The following RASA2 variants were observed in gnomAD, a reference collection of about 807,000 sequenced individuals.
RASA2 encodes the protein RAS p21 protein activator 2.
RASA2 carries 155 observed loss-of-function variants against 118.2 expected under a neutral mutation model. That is an observed-to-expected ratio of 1.31 (90% CI 1.15 to 1.50). The LOEUF (loss-of-function observed/expected upper bound fraction) is 1.50, where lower values mean the gene tolerates loss of function less well. Among genes scored for constraint, RASA2 ranks in the 40% most tolerant of loss-of-function variants. RASA2 has a pLI of 0.00. For synonymous variants in RASA2, 353 were observed against 349.1 expected (o/e 1.01, Z -0.12); for missense variants, 1,016 against 1,009.6 (o/e 1.01, Z -0.09).
chr3:141,531,844 T>A (rs1214355790), intron 4 of RASA2, among the ~76,000 whole-genome samples: 1 of 152,036 alleles, frequency 6.6e-6, no homozygotes, highest in Non-Finnish European at 1.5e-5. Flanking sequence ...GTTGTCCCAC[T>A]GCTGATAAGG....
rs2083688011 is a variant in RASA2 at position 141,613,811 on chromosome 3, T to C, written c.*1498T>C. The C allele has an allele frequency of 6.6e-6, 1 of 152,230 alleles. No individual in the cohort carries two copies. The highest frequency in any genetic ancestry group is 2.1e-4 in the South Asian group (1 of 4,836). 9.4% of individuals were successfully genotyped at this position (152,230 alleles called of 1,614,324 possible). ...CAATCAAAGTTGTTCCATAAAAGAATATAACTGAGCAATGTATTTCTCTAA... is the reference window on the plus strand; with the variant it reads ...CAATCAAAGTTGTTCCATAAAAGAACATAACTGAGCAATGTATTTCTCTAA... On this transcript the variant is annotated 3_prime_UTR_variant, in exon 24 of 24. Coordinates refer to ENST00000286364, the MANE Select transcript of RASA2 (RefSeq NM_006506.5).
chr3:141,578,244 T>C (rs1031522479), intron 15 of RASA2, among the ~76,000 whole-genome samples: 9 of 152,240 alleles, frequency 5.9e-5, no homozygotes, highest in African/African-American at 1.9e-4. Flanking sequence ...ATACTCGATT[T>C]GAATTGGATT....
At chr3:141,501,045 A>G (rs1238379551) in intron 1 of RASA2, among the ~76,000 whole-genome samples, 2 of 152,142 alleles carry the variant, frequency 1.3e-5, no homozygotes, top group Non-Finnish European at 2.9e-5. Context: ...ATTTTGCCAG[A>G]TTTTGATTAT....
rs374547946 is a variant in RASA2 at position 141,598,164 on chromosome 3, CAG to C, written c.1934-9511_1934-9510del. ...CTTACCCACAAAGTCTTTTAGAAAA[CAG>C]AGGGAAAGAATACTTGCCAAGTCAT... is the stretch of plus-strand genomic sequence containing the variant. On this transcript the variant is annotated intron_variant, in intron 19 of 23. Coordinates refer to ENST00000286364, the MANE Select transcript of RASA2 (RefSeq NM_006506.5). Among the ~76,000 whole-genome samples the C allele has an allele frequency of 3.2e-3, 483 of 152,172 alleles. 6 individuals are homozygous for C. The highest frequency in any genetic ancestry group is 0.011 in the African/African-American group (460 of 41,534).
At position 141,540,480 on chromosome 3, in the gene RASA2, A is replaced by G. The variant is rs1012887685; in HGVS notation, c.451-53A>G. ...TGATTTGAAAAGGCACATACCTTTA[A>G]TATTTTGTCAGTAAAATAGACTACT... is the stretch of plus-strand genomic sequence containing the variant. On this transcript the variant is annotated intron_variant, in intron 4 of 23. Coordinates refer to ENST00000286364, the MANE Select transcript of RASA2 (RefSeq NM_006506.5). 1.3e-5 allele frequency: 18 copies of G among 1,439,556 alleles called. No individual in the cohort carries two copies. In the African/African-American group the frequency reaches 2.2e-4, roughly 18 times the overall value. 89.2% of individuals were successfully genotyped at this position (1,439,556 alleles called of 1,614,324 possible).
Position 141,547,838 on chromosome 3 carries a change from A to G in RASA2, c.528-6019A>G, listed in dbSNP as rs184060061. 7.2e-5 allele frequency among the ~76,000 whole-genome samples: 11 copies of G among 152,218 alleles called. No homozygotes were observed. The East Asian group carries it at 1.7e-3, about 24-fold the overall frequency. On this transcript the variant is annotated intron_variant, in intron 5 of 23. Transcript: ENST00000286364. ...TATGGATATGTACTATATGGCTTTT[A>G]TTGTGTTGAGGTTTGATCCTTCTGT...
rs111312229 is a variant in RASA2 at position 141,523,087 on chromosome 3, T to G, written c.356-6621T>G. On this transcript the variant is annotated intron_variant, in intron 3 of 23. Transcript: ENST00000286364. ...CTCTCTGCTTCTTATGTATGGATATTTTTATTTTTGTAAAAAAATTTTAAA... is the reference window on the plus strand; with the variant it reads ...CTCTCTGCTTCTTATGTATGGATATGTTTATTTTTGTAAAAAAATTTTAAA... Among the ~76,000 whole-genome samples, 483 of 152,264 alleles carry G rather than the reference T, an allele frequency of 3.2e-3. 4 individuals are homozygous for G. Among genetic ancestry groups the G allele is most frequent in the African/African-American group, 0.01 (423 of 41,554 alleles).
chr3:141,569,210 G>A (rs1244775296), intron 9 of RASA2, among the ~76,000 whole-genome samples: 1 of 151,998 alleles, frequency 6.6e-6, no homozygotes, highest in Non-Finnish European at 1.5e-5. Context: ...TAGATATTTT[G>A]CTCTAATGGA....
At chr3:141,559,411 A>ATT (rs2082697214) in intron 8 of RASA2, among the ~76,000 whole-genome samples, 1 of 152,096 alleles carries the variant, frequency 6.6e-6, no homozygotes, top group Non-Finnish European at 1.5e-5. Flanking sequence ...TGGGTCTTAA[A>ATT]TATCTATGCC....
intron 1 of RASA2, among the ~76,000 whole-genome samples, chr3:141,501,255 T>C (rs557402793): frequency 6.6e-6 from 1 of 152,318 alleles, no homozygotes; most frequent in Non-Finnish European, 1.5e-5. Context: ...TAGAAATCCA[T>C]TGATTCTGTA....
At chr3:141,582,218 G>T (rs1413576564) in intron 17 of RASA2, among the ~76,000 whole-genome samples, 2 of 152,264 alleles carry the variant, frequency 1.3e-5, no homozygotes, top group East Asian at 3.9e-4. Flanking sequence ...TTCTTACAGA[G>T]ACTTAGTAAG....
chr3:141,533,922 A>C (rs2082292796), intron 4 of RASA2, among the ~76,000 whole-genome samples: 1 of 152,188 alleles, frequency 6.6e-6, no homozygotes, highest in Admixed American at 6.5e-5. Context: ...GACATTTTTC[A>C]GTCCTCATCT....
chr3:141,571,586 C>T (rs929086817), intron 11 of RASA2, 32 bp downstream of exon 11: 1 of 1,565,458 alleles, frequency 6.4e-7, no homozygotes, highest in Non-Finnish European at 8.7e-7. Context: ...ATGTTAATTA[C>T]ATGTTGTTGA....
At chr3:141,489,623 G>A (rs1443628200) in intron 1 of RASA2, among the ~76,000 whole-genome samples, 4 of 152,152 alleles carry the variant, frequency 2.6e-5, no homozygotes, top group African/African-American at 9.7e-5. Context: ...GATCTGTAGG[G>A]GCTGAAAATT....
chr3:141,538,086 C>T (rs2082353488), intron 4 of RASA2, among the ~76,000 whole-genome samples: 1 of 141,016 alleles, frequency 7.1e-6, no homozygotes, highest in African/African-American at 2.7e-5. Context: ...CATAACTGCC[C>T]CATCAAAAAA....
chr3:141,513,973 A>G (rs901316807), intron 2 of RASA2, among the ~76,000 whole-genome samples: 8 of 152,158 alleles, frequency 5.3e-5, no homozygotes, highest in Non-Finnish European at 7.4e-5. Flanking sequence ...CTTAAAATGA[A>G]CTTATAAAAA....
At chr3:141,572,001 A>C (rs1413150897) in intron 11 of RASA2, among the ~76,000 whole-genome samples, 1 of 147,740 alleles carries the variant, frequency 6.8e-6, no homozygotes, top group Non-Finnish European at 1.5e-5. Context: ...TTTTTGGTTC[A>C]TAAACATGAT....
At chr3:141,611,793 A>G (rs951998528) in intron 23 of RASA2, among the ~76,000 whole-genome samples, 1 of 152,202 alleles carries the variant, frequency 6.6e-6, no homozygotes, top group African/African-American at 2.4e-5. Flanking sequence ...TAGAAAGGTT[A>G]TTAGAAGCAT....
intron 23 of RASA2, among the ~76,000 whole-genome samples, chr3:141,610,508 A>G (rs2083633628): frequency 7.2e-6 from 1 of 138,846 alleles, no homozygotes; most frequent in South Asian, 2.2e-4. Flanking sequence ...TAGTTTTTGT[A>G]GAGACAGGTT....
Sources: allele counts gnomAD v4.1 joint callset (sites outside exome capture counted in the v4.1 genomes callset), GRCh38; gene constraint gnomAD v4.1.1; transcripts MANE v1.5; gene names NCBI Gene and HGNC (gene_info 2026-07-23, HGNC 2026-07-21).